RAB11FIP3: variants seen among roughly 807,000 people sequenced by gnomAD.
The protein encoded by RAB11FIP3 is RAB11 family interacting protein 3, also known as rab11 family-interacting protein 3.
Under a neutral mutation model 77.8 loss-of-function variants are expected in RAB11FIP3, and 17 were observed. That is an observed-to-expected ratio of 0.22 (90% CI 0.15 to 0.33). The LOEUF (loss-of-function observed/expected upper bound fraction) is 0.33. RAB11FIP3 is among the 10% of genes least tolerant of loss of function. The pLI is 1.00. For synonymous variants in RAB11FIP3, 437 were observed against 448.2 expected (o/e 0.98, Z 0.31); for missense variants, 1,005 against 1,011.2 (o/e 0.99, Z 0.08).
Position 521,933 on chromosome 16 carries a change from G to A in RAB11FIP3, c.*1094G>A, listed in dbSNP as rs915494985. 2 of 152,202 alleles carry A rather than the reference G, an allele frequency of 1.3e-5. No homozygotes were observed. The highest frequency in any genetic ancestry group is 3.9e-4 in the East Asian group (2 of 5,170). The allele number at this position is 152,202 out of a possible 1,614,324, so 9.4% of individuals were successfully genotyped here. On this transcript the variant is annotated 3_prime_UTR_variant, in exon 14 of 14. Coordinates refer to ENST00000262305, the MANE Select transcript of RAB11FIP3 (RefSeq NM_014700.4). ...TCTCGGGGTCTGCACCCCAGGCACA[G>A]CGGTGTCACCCCGCAGGACCGCGGG...
intron 6 of RAB11FIP3, among the ~76,000 whole-genome samples, chr16:499,456 C>T (rs1392427410): frequency 1.3e-5 from 2 of 152,094 alleles, no homozygotes; most frequent in East Asian, 3.9e-4. Flanking sequence ...GTCAGAAACA[C>T]CCTTTAAAAT....
chr16:482,898 G>C (rs906924480), intron 4 of RAB11FIP3, among the ~76,000 whole-genome samples, 162 bp downstream of exon 4: 8 of 152,238 alleles, frequency 5.3e-5, no homozygotes, highest in African/African-American at 1.9e-4. Flanking sequence ...TTCCTGGGAT[G>C]AGCCCACACC....
At position 519,791 on chromosome 16, in the gene RAB11FIP3, C is replaced by T. The variant is rs1043618753; in HGVS notation, c.1760C>T (p.Thr587Met). Residue 587 changes from threonine to methionine, a missense_variant, in exon 11 of 14, where the codon ACG (threonine) becomes ATG (methionine). Physicochemically the swap from Thr to Met is moderately conservative, Grantham distance 81. This residue lies in a region of RAB11FIP3 where 433 missense variants were observed against 436.1 expected (regional missense o/e 0.99). Transcript: ENST00000262305. The stretch of plus-strand genomic sequence containing the variant: ...CTGTTGGATGAGATAGAGTCGCTGA[C>T]GCTGCGGCTCAGTGAAGAGCAGGAG... ...QKLLDEIESL[T>M]LRLSEEQENK... The T allele has an allele frequency of 6.2e-6, 10 of 1,611,172 alleles. No individual in the cohort carries two copies. Among genetic ancestry groups the T allele is most frequent in the South Asian group, 3.3e-5 (3 of 90,520 alleles).
At chr16:475,543 G>A (rs1682928176) in intron 3 of RAB11FIP3, among the ~76,000 whole-genome samples, 1 of 152,174 alleles carries the variant, frequency 6.6e-6, no homozygotes, top group Non-Finnish European at 1.5e-5. Context: ...GGTGATGGCT[G>A]CCCTGGAAAA....
rs1341578329 is a variant in RAB11FIP3, at chr16:511,356, G to A, written c.1640+556G>A. On this transcript the variant is annotated intron_variant, in intron 9 of 13. Transcript: ENST00000262305. ...AGGCAGGAGAGGTTCCTGACGGCCC[G>A]CCCACCCCAGAAACTGCAGGCCAGG... Among the ~76,000 whole-genome samples, 10 of 103,446 alleles carry A rather than the reference G, an allele frequency of 9.7e-5. No individual in the cohort carries two copies. In the South Asian group the frequency reaches 3.1e-3, roughly 32 times the overall value. The allele number at this position is 103,446 out of a possible 152,430, so 67.9% of individuals were successfully genotyped here.
At chr16:439,911 G>A (rs915933233) in intron 1 of RAB11FIP3, among the ~76,000 whole-genome samples, 3 of 151,388 alleles carry the variant, frequency 2.0e-5, no homozygotes, top group East Asian at 1.9e-4. Context: ...TGGTGCAATC[G>A]CGGATCAGTG....
chr16:488,740 A>C, intron 4 of RAB11FIP3, 111 bp from the exon 5 acceptor site: 2 of 969,470 alleles, frequency 2.1e-6, no homozygotes, highest in Non-Finnish European at 2.9e-6. Context: ...CGTGGCTCCC[A>C]GGACTCACGT....
At chr16:511,455 C>T (rs2032160162) in intron 9 of RAB11FIP3, among the ~76,000 whole-genome samples, 1 of 136,632 alleles carries the variant, frequency 7.3e-6, no homozygotes, top group South Asian at 2.5e-4. Context: ...GACAGTCCGC[C>T]AACCCCAGAA....
chr16:443,322 C>T (rs2055256806), intron 1 of RAB11FIP3, among the ~76,000 whole-genome samples: 1 of 152,146 alleles, frequency 6.6e-6, no homozygotes, highest in Non-Finnish European at 1.5e-5. Flanking sequence ...ACAGATCATG[C>T]ACGCTTAAAA....
At chr16:501,074 G>A (rs558671800) in intron 6 of RAB11FIP3, among the ~76,000 whole-genome samples, 68 of 152,340 alleles carry the variant, frequency 4.5e-4, no homozygotes, top group Non-Finnish European at 8.2e-4. Context: ...GCTGGTGCAC[G>A]TTCACAGGGC....
intron 3 of RAB11FIP3, among the ~76,000 whole-genome samples, chr16:476,242 C>T (rs1264354595): frequency 6.6e-6 from 1 of 152,206 alleles, no homozygotes; most frequent in African/African-American, 2.4e-5. Flanking sequence ...TGGCATCCAG[C>T]TTACAGGGAG....
At position 517,387 on chromosome 16, in the gene RAB11FIP3, G is replaced by A. The variant is rs114238854; in HGVS notation, c.1641-1556G>A. ...GTTGGAGACCAGCTCAGGCAACACA[G>A]CAAGACCTTGTCTCTGCAAAAAATT... On this transcript the variant is annotated intron_variant, in intron 9 of 13. Transcript: ENST00000262305. Among the ~76,000 whole-genome samples the A allele has an allele frequency of 3.4e-3, 516 of 152,126 alleles. 2 individuals are homozygous for A. The highest frequency in any genetic ancestry group is 0.012 in the African/African-American group (498 of 41,486).
rs1491323584 is a variant in RAB11FIP3, at chr16:522,243, G to GAAAT, written c.*1406_*1409dup. On this transcript the variant is annotated 3_prime_UTR_variant, in exon 14 of 14. Coordinates refer to ENST00000262305, the MANE Select transcript of RAB11FIP3 (RefSeq NM_014700.4). ...TCAAGAGAAAACTGTGTATACACATGAAATATATATATATATATATATATA... is the reference window on the plus strand; with the variant it reads ...TCAAGAGAAAACTGTGTATACACATGAAATAAATATATATATATATATATATATA... 1 of 115,600 alleles carries GAAAT rather than the reference G, an allele frequency of 8.7e-6. No homozygotes were observed. 7.2% of individuals were successfully genotyped at this position (115,600 alleles called of 1,614,324 possible). A position where few individuals can be genotyped will look rare whatever the true frequency, so the allele number is the denominator to read the frequency against.
intron 3 of RAB11FIP3, among the ~76,000 whole-genome samples, chr16:478,268 C>A (rs2055962344): frequency 6.6e-6 from 1 of 151,658 alleles, no homozygotes; most frequent in Non-Finnish European, 1.5e-5. Context: ...TCTTGGCTCA[C>A]TGCAGCCTCT....
chr16:508,554 A>G (rs2031983031), intron 8 of RAB11FIP3, among the ~76,000 whole-genome samples: 1 of 151,924 alleles, frequency 6.6e-6, no homozygotes, highest in Non-Finnish European at 1.5e-5. Context: ...TTGTATTTTT[A>G]GTAGAGACGG....
chr16:448,518 C>T (rs923968146), intron 1 of RAB11FIP3, among the ~76,000 whole-genome samples: 19 of 151,758 alleles, frequency 1.3e-4, no homozygotes, highest in African/African-American at 4.6e-4. Context: ...AGGTGGATCA[C>T]GAGGTCAGGA....
At chr16:457,774 T>G (rs1395233421) in intron 1 of RAB11FIP3, among the ~76,000 whole-genome samples, 2 of 152,234 alleles carry the variant, frequency 1.3e-5, no homozygotes, top group Non-Finnish European at 2.9e-5. Flanking sequence ...TGGTACTTTG[T>G]GTTCAATTAG....
At chr16:491,253 A>G in intron 5 of RAB11FIP3, 2 of 1,304,816 alleles carry the variant, frequency 1.5e-6, no homozygotes, top group Non-Finnish European at 2.0e-6. Flanking sequence ...CGCCTGAGTG[A>G]TCTTGAAATG....
At position 461,279 on chromosome 16, in the gene RAB11FIP3, C is replaced by A; in HGVS notation, c.715-125C>A. Reference sequence around the variant, plus strand: ...GGGAGCTCAGGCGGTAATGCTCCCTCACCTCCTGCTGTGCTTCCCCGTTCC... The same window carrying A: ...GGGAGCTCAGGCGGTAATGCTCCCTAACCTCCTGCTGTGCTTCCCCGTTCC... On this transcript the variant is annotated intron_variant, in intron 1 of 13. Transcript: ENST00000262305. This position sits in a 1 kb window ranked among gnomAD's most constrained non-coding sequence, Gnocchi z 4.5. 1.5e-6 allele frequency: 1 copy of A among 647,178 alleles called. No individual in the cohort carries two copies. Among genetic ancestry groups the A allele is most frequent in the East Asian group, 2.9e-5 (1 of 34,404 alleles). 40.1% of individuals were successfully genotyped at this position (647,178 alleles called of 1,614,324 possible). A position where few individuals can be genotyped will look rare whatever the true frequency, so the allele number is the denominator to read the frequency against.
Sources: allele counts gnomAD v4.1 joint callset (sites outside exome capture counted in the v4.1 genomes callset), GRCh38; gene constraint gnomAD v4.1.1; regional missense constraint gnomAD v4.1.1; non-coding constraint Gnocchi (gnomAD v3.1); transcripts MANE v1.5; gene names NCBI Gene and HGNC (gene_info 2026-07-23, HGNC 2026-07-21).